Variants in UGT2A2 observed in about 807,000 individuals in gnomAD.
UGT2A2 encodes the protein UDP glucuronosyltransferase family 2 member A2, also known as UDP-glucuronosyltransferase 2A2.
UGT2A2 carries 60 observed loss-of-function variants against 50.7 expected under a neutral mutation model. The observed-to-expected ratio is 1.18, with a 90% CI of 0.96 to 1.47. The LOEUF (loss-of-function observed/expected upper bound fraction) is 1.47. Ranked by LOEUF, UGT2A2 falls within the 40% of genes most tolerant of loss-of-function variation. UGT2A2 has a pLI of 0.00. For synonymous variants in UGT2A2, 242 were observed against 214.6 expected (o/e 1.13, Z -1.11); for missense variants, 762 against 634.0 (o/e 1.20, Z -2.17).
chr4:69,604,098 T>A (rs1719460836), intron 1 of UGT2A2, among the ~76,000 whole-genome samples: 1 of 134,746 alleles, frequency 7.4e-6, no homozygotes, highest in Non-Finnish European at 1.6e-5. Context: ...GAAGAGCAAC[T>A]CCAAGACACA....
intron 1 of UGT2A2, among the ~76,000 whole-genome samples, chr4:69,631,876 C>T (rs1010076951): frequency 2.0e-5 from 3 of 151,968 alleles, no homozygotes; most frequent in Non-Finnish European, 4.4e-5. Context: ...ACAAGGCTAC[C>T]ACTTCACACT....
rs1204374357 is a variant in UGT2A2 at position 69,595,240 on chromosome 4, T to C, written c.1033A>G (p.Arg345Gly). The change falls in exon 4 of 6, where the codon AGA (arginine) becomes GGA (glycine). Residue 345 changes from arginine to glycine, a missense_variant. Coordinates refer to ENST00000604629, the MANE Select transcript of UGT2A2 (RefSeq NM_001105677.2). ...GTGGCTGGTTTCTTTCCTTTGTATC[T>C]CCATAAAACCTGTGGAAAATGGTGC... ...LAQIPQKVLW[R>G]YKGKKPATLG... is the part of the protein sequence containing the mutation. 2 of 1,613,738 alleles carry C rather than the reference T, an allele frequency of 1.2e-6. No individual in the cohort carries two copies. Among genetic ancestry groups the C allele is most frequent in the Admixed American group, 3.3e-5 (2 of 59,998 alleles).
chr4:69,614,050 A>C (rs1052068252), intron 1 of UGT2A2, among the ~76,000 whole-genome samples: 45 of 151,992 alleles, frequency 3.0e-4, no homozygotes, highest in African/African-American at 1.0e-3. Flanking sequence ...TCTTATTTAC[A>C]AAAAATATGA....
intron 4 of UGT2A2, 31 bp from the exon 5 acceptor site, chr4:69,594,727 T>C (rs373580816): frequency 6.3e-7 from 1 of 1,595,892 alleles, no homozygotes; most frequent in African/African-American, 1.3e-5. Context: ...GAAGTGGGTG[T>C]GTAATAATAA....
At position 69,594,579 on chromosome 4, in the gene UGT2A2, A is replaced by G. The variant is rs977383793; in HGVS notation, c.1229T>C (p.Ile410Thr). 1 of 1,614,126 alleles carries G rather than the reference A, an allele frequency of 6.2e-7. No individual in the cohort carries two copies. The highest frequency in any genetic ancestry group is 1.1e-5 in the South Asian group (1 of 91,072). The change falls in exon 5 of 6, where the codon ATT (isoleucine) becomes ACT (threonine). Residue 410 changes from isoleucine to threonine, a missense_variant. Transcript: ENST00000604629. Reference protein sequence around the residue: ...VPMFADQPDNIAHMKAKGAAV... With the variant: ...VPMFADQPDNTAHMKAKGAAV... Reference sequence around the variant, plus strand: ...TGCTCCTTTGGCCTTCATGTGAGCAATGTTATCAGGCTGATCAGCAAACAT... The same window carrying G: ...TGCTCCTTTGGCCTTCATGTGAGCAGTGTTATCAGGCTGATCAGCAAACAT...
chr4:69,607,433 G>T (rs1184340500), intron 1 of UGT2A2, among the ~76,000 whole-genome samples: 2 of 151,946 alleles, frequency 1.3e-5, no homozygotes, highest in African/African-American at 2.4e-5. Context: ...CTGGATTAAA[G>T]ACTTACATGT....
intron 2 of UGT2A2, among the ~76,000 whole-genome samples, chr4:69,598,359 A>G (rs564342265): frequency 5.4e-4 from 82 of 152,272 alleles, no homozygotes; most frequent in South Asian, 1.2e-3. Flanking sequence ...ATAGTTAAAT[A>G]CATTGTTCCT....
chr4:69,594,136 G>A lies in UGT2A2; in HGVS notation c.1331+341C>T, dbSNP rs188341595. ...ACTACAGGCGCCCACTATCATACCC[G>A]GCTAAATTTTTGTATTTTTAGTAGA... On this transcript the variant is annotated intron_variant, in intron 5 of 5. Coordinates refer to ENST00000604629, the MANE Select transcript of UGT2A2 (RefSeq NM_001105677.2). 1.9e-3 allele frequency among the ~76,000 whole-genome samples: 294 copies of A among 151,700 alleles called. 1 individual carries two copies. Among genetic ancestry groups the A allele is most frequent in the African/African-American group, 6.7e-3 (276 of 41,356 alleles).
chr4:69,635,053 C>G (rs1721597491), intron 1 of UGT2A2, among the ~76,000 whole-genome samples: 1 of 151,970 alleles, frequency 6.6e-6, no homozygotes, highest in African/African-American at 2.4e-5. Flanking sequence ...CATTGCATGT[C>G]TGTATCAAAA....
intron 1 of UGT2A2, among the ~76,000 whole-genome samples, chr4:69,622,768 C>G (rs2109939338): frequency 6.6e-6 from 1 of 151,746 alleles, no homozygotes. Flanking sequence ...CTTCACATGA[C>G]CCATAGGGTC....
At chr4:69,593,351 A>G (rs138415727) in intron 5 of UGT2A2, among the ~76,000 whole-genome samples, 51 of 152,228 alleles carry the variant, frequency 3.4e-4, no homozygotes, top group African/African-American at 1.2e-3. Context: ...TAAAATTACA[A>G]CATAAGTAAT....
chr4:69,616,833 CTTTT>C (rs4148315), intron 1 of UGT2A2, among the ~76,000 whole-genome samples: 15 of 127,298 alleles, frequency 1.2e-4, no homozygotes, highest in African/African-American at 2.0e-4. Context: ...ATTTTCTTTT[CTTTT>C]TTTTTTTTTT....
At chr4:69,590,814 C>A (rs1560464477) in intron 5 of UGT2A2, among the ~76,000 whole-genome samples, 1 of 151,976 alleles carries the variant, frequency 6.6e-6, no homozygotes, top group African/African-American at 2.4e-5. Flanking sequence ...GGGACAAAGA[C>A]CATGCTCATA....
At chr4:69,597,624 A>C (rs1192833995) in intron 2 of UGT2A2, among the ~76,000 whole-genome samples, 2 of 152,168 alleles carry the variant, frequency 1.3e-5, no homozygotes, top group Admixed American at 1.3e-4. Context: ...TTTTTGGCTT[A>C]GTTAATGTCA....
intron 1 of UGT2A2, among the ~76,000 whole-genome samples, chr4:69,601,572 T>A (rs1314764915): frequency 1.3e-5 from 2 of 152,116 alleles, no homozygotes; most frequent in Non-Finnish European, 2.9e-5. Flanking sequence ...CAGCTATCAC[T>A]ATTACCTGCA....
At chr4:69,630,729 T>C (rs1577991172) in intron 1 of UGT2A2, among the ~76,000 whole-genome samples, 2 of 152,122 alleles carry the variant, frequency 1.3e-5, no homozygotes, top group South Asian at 2.1e-4. Context: ...ATTATATATG[T>C]TTTATTATGT....
chr4:69,599,664 GAAAA>G, intron 1 of UGT2A2: 1 of 323,122 alleles, frequency 3.1e-6, no homozygotes, highest in Non-Finnish European at 5.5e-6. Context: ...GGAAAAGTGA[GAAAA>G]AGGGAAGAAA....
At chr4:69,633,278 C>G (rs1721488771) in intron 1 of UGT2A2, among the ~76,000 whole-genome samples, 1 of 152,036 alleles carries the variant, frequency 6.6e-6, no homozygotes, top group African/African-American at 2.4e-5. Flanking sequence ...TAGAGATCAA[C>G]AGAATGGTTA....
Position 69,605,090 on chromosome 4 carries a change from T to C in UGT2A2, c.743-5696A>G, listed in dbSNP as rs1014482072. On this transcript the variant is annotated intron_variant, in intron 1 of 5. Coordinates refer to ENST00000604629, the MANE Select transcript of UGT2A2 (RefSeq NM_001105677.2). ...GTAGACCTAATACACATCTACAGAA[T>C]TATCCACCCCAAATCAACAGAATAT... is the stretch of plus-strand genomic sequence containing the variant. Among the ~76,000 whole-genome samples the C allele has an allele frequency of 1.1e-4, 15 of 136,510 alleles. 3 individuals are homozygous for C. The highest frequency in any genetic ancestry group is 1.7e-4 in the Non-Finnish European group (11 of 64,174). 89.6% of individuals were successfully genotyped at this position (136,510 alleles called of 152,430 possible).
Sources: allele counts gnomAD v4.1 joint callset (sites outside exome capture counted in the v4.1 genomes callset), GRCh38; gene constraint gnomAD v4.1.1; transcripts MANE v1.5; gene names NCBI Gene and HGNC (gene_info 2026-07-23, HGNC 2026-07-21).